Variants in AKT1 observed in about 807,000 individuals in gnomAD.
AKT1 encodes the protein RAC-alpha serine/threonine-protein kinase.
In AKT1, 21 loss-of-function variants were observed where a neutral mutation model predicts 63.1. That is an observed-to-expected ratio of 0.33 (90% CI 0.24 to 0.48). AKT1 has a LOEUF of 0.48. Among genes scored for constraint, AKT1 ranks in the 20% least tolerant of loss-of-function variants. The pLI, the probability that AKT1 is intolerant of heterozygous loss-of-function variation, is 0.99. For missense variants in AKT1, 382 were observed against 666.0 expected, an observed-to-expected ratio of 0.57 and a Z score of 4.69; for synonymous variants, 257 against 253.1, an observed-to-expected ratio of 1.02 and a Z score of -0.15.
In AKT1 at chr14:104,776,658, C is replaced by T. The variant is rs2140929430; in HGVS notation, c.287+1G>A. The T allele has an allele frequency of 6.2e-7, 1 of 1,612,446 alleles. No individual in the cohort carries two copies. Among genetic ancestry groups the T allele is most frequent in the Non-Finnish European group, 8.5e-7 (1 of 1,179,330 alleles). On this transcript the variant is annotated splice_donor_variant, in intron 5 of 14. Transcript: ENST00000649815. LOFTEE classifies it high-confidence loss of function. ...TGGCCTGGCCGCCACAGCCCACGTA[C>T]CGCTCCTCAGGAGTCTCCACATGGA...
At chr14:104,788,676 C>G (rs375906174) in intron 3 of AKT1, among the ~76,000 whole-genome samples, 23 of 152,308 alleles carry the variant, frequency 1.5e-4, no homozygotes, top group African/African-American at 5.5e-4. Context: ...CAGTGCCCCC[C>G]CGCAGGGACA....
At chr14:104,777,159 AC>A (rs1217182912) in intron 4 of AKT1, 3 of 235,126 alleles carry the variant, frequency 1.3e-5, no homozygotes, top group African/African-American at 7.0e-5. Flanking sequence ...TGCTTGTCCC[AC>A]CTAGTGTAGA....
In AKT1 at chr14:104,773,531, C is replaced by T. The variant is rs756697784; in HGVS notation, c.752G>A (p.Arg251His). The part of the protein sequence containing the change: ...RERVFSEDRA[R>H]FYGAEIVSAL... ...TGACACAATCTCAGCGCCATAGAAGCGGGCCCGGTCCTCGGAGAACACACG... is the reference window on the plus strand; with the variant it reads ...TGACACAATCTCAGCGCCATAGAAGTGGGCCCGGTCCTCGGAGAACACACG... The change falls in exon 10 of 15, where the codon CGC (arginine) becomes CAC (histidine). Residue 251 changes from arginine to histidine, a missense_variant. Physicochemically the swap from Arg to His is conservative, Grantham distance 29 (BLOSUM62 0). Around this residue, in one of 3 missense-constraint regions of AKT1, gnomAD observed 226 missense variants for 366.4 expected, o/e 0.62. Transcript: ENST00000649815. The T allele has an allele frequency of 6.8e-6, 11 of 1,612,468 alleles. No individual in the cohort carries two copies. The highest frequency in any genetic ancestry group is 1.7e-5 in the Admixed American group (1 of 59,748).
chr14:104,794,323 AG>A (rs993008728), intron 1 of AKT1: 2 of 152,568 alleles, frequency 1.3e-5, no homozygotes, highest in African/African-American at 2.4e-5. Flanking sequence ...CACGGGCCTG[AG>A]CCCCTCCAAG....
chr14:104,780,047 C>A (rs17846818), intron 4 of AKT1, 41 bp downstream of exon 4: 1 of 1,600,602 alleles, frequency 6.2e-7, no homozygotes, highest in South Asian at 1.1e-5. Flanking sequence ...CTCCAGCCAA[C>A]CCCCCAAATC....
chr14:104,784,109 C>G (rs1200982871), intron 3 of AKT1, among the ~76,000 whole-genome samples: 2 of 152,204 alleles, frequency 1.3e-5, no homozygotes, highest in African/African-American at 2.4e-5. Context: ...CAGTTCCAGT[C>G]TCACCCTCCT....
At position 104,772,359 on chromosome 14, in the gene AKT1, C is replaced by G; in HGVS notation, c.1260+6G>C. 6.2e-7 allele frequency: 1 copy of G among 1,613,726 alleles called. No homozygotes were observed. Among genetic ancestry groups the G allele is most frequent in the Non-Finnish European group, 8.5e-7 (1 of 1,179,936 alleles). On this transcript the variant is annotated splice_donor_region_variant and intron_variant, in intron 13 of 14. Coordinates refer to ENST00000649815, the MANE Select transcript of AKT1 (RefSeq NM_001382430.1). ...GTGCGCGTGAATATGCGGGGAGCAG[C>G]CGCACCTTCTTCTCGTACACGTGCT...
At position 104,769,558 on chromosome 14, in the gene AKT1, G is replaced by C. The variant is rs1017393242; in HGVS notation, c.*783C>G. Reference sequence around the variant, plus strand: ...GGCGACAGCGGAAAGGTTAAGCGTCGAAAAGGTCAAGTGCTACCGTGGAGA... The same window carrying C: ...GGCGACAGCGGAAAGGTTAAGCGTCCAAAAGGTCAAGTGCTACCGTGGAGA... On this transcript the variant is annotated 3_prime_UTR_variant, in exon 15 of 15. Transcript: ENST00000649815. 1 of 534,242 alleles carries C rather than the reference G, an allele frequency of 1.9e-6. No individual in the cohort carries two copies. Among genetic ancestry groups the C allele is most frequent in the East Asian group, 3.9e-5 (1 of 25,394 alleles). The allele number at this position is 534,242 out of a possible 1,614,324, so 33.1% of individuals were successfully genotyped here.
chr14:104,794,033 C>T (rs1008068906), intron 1 of AKT1: 1 of 152,320 alleles, frequency 6.6e-6, no homozygotes, highest in Non-Finnish European at 1.5e-5. Flanking sequence ...GGTTGCTTTG[C>T]ACTGATTGTC....
chr14:104,774,695 G>T, intron 8 of AKT1: 1 of 566,204 alleles, frequency 1.8e-6, no homozygotes, highest in South Asian at 2.1e-5. Flanking sequence ...CAGAGTGCAA[G>T]GAAGACCAGG....
intron 3 of AKT1, among the ~76,000 whole-genome samples, chr14:104,780,729 C>T (rs957772156): frequency 2.1e-4 from 32 of 152,188 alleles, no homozygotes; most frequent in East Asian, 3.9e-4. Context: ...CCCGCCCCGC[C>T]GCCACCCACC....
chr14:104,780,626 G>C (rs921315666), intron 3 of AKT1, among the ~76,000 whole-genome samples: 1 of 152,198 alleles, frequency 6.6e-6, no homozygotes, highest in Non-Finnish European at 1.5e-5. Context: ...CAGGGGCTGC[G>C]GGGCTGACAG....
intron 3 of AKT1, among the ~76,000 whole-genome samples, chr14:104,787,065 T>G (rs916248384): frequency 2.0e-5 from 3 of 150,988 alleles, no homozygotes; most frequent in African/African-American, 4.9e-5. Flanking sequence ...GCCTGGGGGG[T>G]GTGTGAGCCC....
chr14:104,787,646 T>C (rs1042336304), intron 3 of AKT1, among the ~76,000 whole-genome samples: 5 of 152,172 alleles, frequency 3.3e-5, no homozygotes, highest in Non-Finnish European at 7.4e-5. Context: ...GAGTGGAAGG[T>C]GTACGGGGGT....
At chr14:104,773,780 G>A in intron 9 of AKT1, 132 bp downstream of exon 9, 1 of 1,199,044 alleles carries the variant, frequency 8.3e-7, no homozygotes, top group Non-Finnish European at 1.2e-6. Context: ...GCCTGGGCAG[G>A]CATCACACCA....
In AKT1 at chr14:104,773,374, C is replaced by T; in HGVS notation, c.834G>A (p.Glu278=). ...GCCCGTCCTTGTCCAGCATGAGGTTCTCCAGCTAGGGGAAAGGTGGCCTCA... is the reference window on the plus strand; with the variant it reads ...GCCCGTCCTTGTCCAGCATGAGGTTTTCCAGCTAGGGGAAAGGTGGCCTCA... The part of the protein sequence containing the change: ...KNVVYRDLKL[E]NLMLDKDGHI... The change falls in exon 11 of 15, where the codon GAG becomes GAA. Residue 278 remains glutamate, a synonymous_variant. Coordinates refer to ENST00000649815, the MANE Select transcript of AKT1 (RefSeq NM_001382430.1). 6.2e-7 allele frequency: 1 copy of T among 1,614,212 alleles called. No homozygotes were observed. Among genetic ancestry groups the T allele is most frequent in the Non-Finnish European group, 8.5e-7 (1 of 1,180,016 alleles).
At chr14:104,792,025 T>C (rs1489936584) in intron 3 of AKT1, among the ~76,000 whole-genome samples, 1 of 152,100 alleles carries the variant, frequency 6.6e-6, no homozygotes, top group East Asian at 1.9e-4. Context: ...ACCCAGCTGC[T>C]GGCCAGGCCC....
chr14:104,774,290 C>A, intron 8 of AKT1: 1 of 454,918 alleles, frequency 2.2e-6, no homozygotes. Context: ...GGCTGGGCCC[C>A]GGCAGCCCCT....
At chr14:104,783,312 C>G (rs1056966429) in intron 3 of AKT1, among the ~76,000 whole-genome samples, 1 of 152,146 alleles carries the variant, frequency 6.6e-6, no homozygotes, top group Non-Finnish European at 1.5e-5. Flanking sequence ...GCCCCCCACT[C>G]GAGGCAGGAG....
Sources: allele counts gnomAD v4.1 joint callset (sites outside exome capture counted in the v4.1 genomes callset), GRCh38; gene constraint gnomAD v4.1.1; regional missense constraint gnomAD v4.1.1; transcripts MANE v1.5; gene names NCBI Gene and HGNC (gene_info 2026-07-23, HGNC 2026-07-21).